The following C17orf99 variants were observed in gnomAD, a reference collection of about 807,000 sequenced individuals.
C17orf99 encodes chromosome 17 open reading frame 99, also known as protein IL-40.
C17orf99 carries 18 observed loss-of-function variants against 22.6 expected under a neutral mutation model. The ratio of observed to expected loss-of-function variants is 0.80; its 90% confidence interval spans 0.55 to 1.18. The LOEUF is 1.18. Among genes scored for constraint, C17orf99 ranks in the 50% most tolerant of loss-of-function variants. The probability of loss-of-function intolerance (pLI) is 0.00; values close to 1 mark genes in which losing one functional copy is unlikely to be tolerated. For synonymous variants in C17orf99, 147 were observed against 136.6 expected (o/e 1.08, Z -0.53); for missense variants, 328 against 342.7 (o/e 0.96, Z 0.34).
intron 2 of C17orf99, chr17:78,160,094 G>A (rs777017550): frequency 1.3e-5 from 6 of 453,266 alleles, no homozygotes; most frequent in South Asian, 9.3e-5. Context: ...GCCTGGAATT[G>A]TTGAGTCATA....
At chr17:78,155,797 T>C (rs1235885566) in intron 2 of C17orf99, among the ~76,000 whole-genome samples, 2 of 151,888 alleles carry the variant, frequency 1.3e-5, no homozygotes, top group African/African-American at 2.4e-5. Context: ...CAGATAATTT[T>C]TGTATTTTTA....
In C17orf99 at chr17:78,156,161, C is replaced by T. The variant is rs551148226; in HGVS notation, c.71-4794C>T. ...CCTGGCCAATGTGGCGAAACCCAGT[C>T]TCTACTAAAAATACAAAAATTAGCT... is the stretch of plus-strand genomic sequence containing the variant. On this transcript the variant is annotated intron_variant, in intron 2 of 4. Transcript: ENST00000340363. Among the ~76,000 whole-genome samples the T allele has an allele frequency of 4.0e-5, 6 of 151,166 alleles. No homozygotes were observed. In the East Asian group the frequency reaches 1.2e-3, roughly 30 times the overall value.
rs548925865 is a variant in C17orf99 at position 78,161,557 on chromosome 17, G to A, written c.370+303G>A. Among the ~76,000 whole-genome samples the A allele has an allele frequency of 1.3e-4, 20 of 152,282 alleles. 1 individual carries two copies. In the East Asian group the frequency reaches 3.3e-3, roughly 25 times the overall value. ...CCCAGTTGTCAGCTCGGACCTCAAG[G>A]TGATAAACTAGGCACGTTTGTCTGG... On this transcript the variant is annotated intron_variant, in intron 3 of 4. Transcript: ENST00000340363.
chr17:78,166,244 T>C lies in C17orf99; in HGVS notation c.*198T>C, dbSNP rs2145809162. 1 of 379,308 alleles carries C rather than the reference T, an allele frequency of 2.6e-6. No individual in the cohort carries two copies. Among genetic ancestry groups the C allele is most frequent in the South Asian group, 1.5e-4 (1 of 6,888 alleles). The allele number at this position is 379,308 out of a possible 1,614,324, so 23.5% of individuals were successfully genotyped here. On this transcript the variant is annotated 3_prime_UTR_variant, in exon 5 of 5. Transcript: ENST00000340363. ...TATAGGAACCTTTGTGCTATCTATA[T>C]TATCTATATGAATCCCATCATATCA...
chr17:78,150,182 T>C (rs1353015052), intron 2 of C17orf99, among the ~76,000 whole-genome samples: 9 of 151,782 alleles, frequency 5.9e-5, no homozygotes, highest in Admixed American at 5.3e-4. Flanking sequence ...CTAATTTTTG[T>C]ATTTTTTGTA....
At chr17:78,155,224 T>A (rs974938934) in intron 2 of C17orf99, among the ~76,000 whole-genome samples, 2 of 151,532 alleles carry the variant, frequency 1.3e-5, no homozygotes, top group African/African-American at 4.9e-5. Flanking sequence ...AGACCCAAAG[T>A]TCCCCTGGAG....
At chr17:78,164,783 C>A (rs984035311) in intron 4 of C17orf99, 523 of 1,265,244 alleles carry the variant, frequency 4.1e-4, no homozygotes, top group Middle Eastern at 9.8e-4. Context: ...GTGGCCAGGG[C>A]AAAGAGCGGC....
At chr17:78,146,291 G>C, upstream of C17orf99, 1 of 916,398 alleles carries the variant, frequency 1.1e-6, no homozygotes. The surrounding 1 kb of genome is among the most constrained non-coding windows in gnomAD (Gnocchi z 5.2). Context: ...GCGGCCTCCA[G>C]GTTATCTCCC....
At chr17:78,164,536 C>T (rs746418247) in intron 4 of C17orf99, 172 bp downstream of exon 4, 4 of 1,535,248 alleles carry the variant, frequency 2.6e-6, no homozygotes, top group South Asian at 2.4e-5. Flanking sequence ...CTAAAGGAAG[C>T]CCAACCCAGC....
intron 2 of C17orf99, among the ~76,000 whole-genome samples, chr17:78,153,329 C>CA (rs1192966093): frequency 1.3e-5 from 2 of 151,722 alleles, no homozygotes; most frequent in African/African-American, 4.8e-5. Flanking sequence ...ACTAAAAATA[C>CA]AAAAAATTAG....
intron 2 of C17orf99, among the ~76,000 whole-genome samples, chr17:78,155,293 A>G (rs1035980424): frequency 2.6e-5 from 4 of 152,012 alleles, no homozygotes; most frequent in African/African-American, 4.8e-5. Context: ...TAGTGGTCAC[A>G]CACTCTAGTC....
chr17:78,151,242 T>C (rs1185710744), intron 2 of C17orf99, among the ~76,000 whole-genome samples: 1 of 151,322 alleles, frequency 6.6e-6, no homozygotes, highest in Admixed American at 6.6e-5. Flanking sequence ...CTGGCCAACA[T>C]GCGGAAACCC....
At chr17:78,159,868 G>A (rs146572868) in intron 2 of C17orf99, among the ~76,000 whole-genome samples, 29 of 152,110 alleles carry the variant, frequency 1.9e-4, no homozygotes, top group East Asian at 1.5e-3. Context: ...ATGTTGTTAC[G>A]GCTCATCCCT....
intron 3 of C17orf99, 117 bp from the exon 4 acceptor site, chr17:78,163,978 A>T (rs1445362285): frequency 3.4e-6 from 3 of 877,836 alleles, no homozygotes; most frequent in East Asian, 5.3e-5. Context: ...GGCGGCCTGG[A>T]GGAGGCGGCA....
intron 4 of C17orf99, chr17:78,165,565 G>A: frequency 1.0e-6 from 1 of 989,382 alleles, no homozygotes; most frequent in Non-Finnish European, 1.2e-6. Flanking sequence ...CACTTTGGGA[G>A]GCTGAGGCAG....
chr17:78,159,307 A>G (rs1247025172), intron 2 of C17orf99, among the ~76,000 whole-genome samples: 1 of 152,114 alleles, frequency 6.6e-6, no homozygotes, highest in African/African-American at 2.4e-5. Flanking sequence ...ACTGCACTCC[A>G]TTCTGGACGA....
chr17:78,165,922 C>T lies in C17orf99; in HGVS notation c.674C>T (p.Pro225Leu). 7.0e-7 allele frequency: 1 copy of T among 1,425,694 alleles called. No individual in the cohort carries two copies. Among genetic ancestry groups the T allele is most frequent in the Non-Finnish European group, 9.3e-7 (1 of 1,074,022 alleles). 88.3% of individuals were successfully genotyped at this position (1,425,694 alleles called of 1,614,324 possible). The change falls in exon 5 of 5, where the codon CCC becomes CTC. Residue 225 changes from proline to leucine, a missense_variant. Physicochemically the swap from Pro to Leu is moderately conservative, Grantham distance 98. Coordinates refer to ENST00000340363, the MANE Select transcript of C17orf99 (RefSeq NM_001163075.2). ...GDQKMEDWQG[P>L]LESPILALPL... ...CAGAAGATGGAGGACTGGCAGGGTC[C>T]CCTGGAGAGCCCCATCCTTGCCTTG...
At chr17:78,147,513 C>T (rs1403497746) in intron 2 of C17orf99, among the ~76,000 whole-genome samples, 1 of 152,148 alleles carries the variant, frequency 6.6e-6, no homozygotes, top group Admixed American at 6.5e-5. Flanking sequence ...CAGCCCCTAG[C>T]CTGGCCTGCT....
chr17:78,161,758 C>T (rs1376787627), intron 3 of C17orf99, among the ~76,000 whole-genome samples: 3 of 151,144 alleles, frequency 2.0e-5, no homozygotes, highest in East Asian at 1.9e-4. Flanking sequence ...GCAGGAGAAT[C>T]GCTTGAACCC....
Sources: allele counts gnomAD v4.1 joint callset (sites outside exome capture counted in the v4.1 genomes callset), GRCh38; gene constraint gnomAD v4.1.1; non-coding constraint Gnocchi (gnomAD v3.1); transcripts MANE v1.5; gene names NCBI Gene and HGNC (gene_info 2026-07-23, HGNC 2026-07-21).